Variants in MAP2 observed in about 807,000 individuals in gnomAD.
MAP2 encodes microtubule-associated protein 2.
Under a neutral mutation model 137.6 loss-of-function variants are expected in MAP2, and 14 were observed. The observed-to-expected ratio is 0.10, with a 90% CI of 0.07 to 0.16. The LOEUF (loss-of-function observed/expected upper bound fraction) is 0.16. MAP2 is among the 10% of genes least tolerant of loss of function. The pLI, the probability that MAP2 is intolerant of heterozygous loss-of-function variation, is 1.00. For synonymous variants in MAP2, 786 were observed against 782.3 expected (o/e 1.00, Z -0.08); for missense variants, 2,088 against 2,191.5 (o/e 0.95, Z 0.94).
At chr2:209,546,854 T>C (rs2068177433) in intron 2 of MAP2, among the ~76,000 whole-genome samples, 1 of 152,232 alleles carries the variant, frequency 6.6e-6, no homozygotes, top group Admixed American at 6.5e-5. Context: ...TCCACTGGTA[T>C]TGTCTTTGAG....
At chr2:209,698,774 AC>A (rs1377574124) in intron 10 of MAP2, among the ~76,000 whole-genome samples, 3 of 152,182 alleles carry the variant, frequency 2.0e-5, no homozygotes, top group Non-Finnish European at 4.4e-5. Flanking sequence ...TAAACTTAGA[AC>A]TTCATTAAAC....
intron 1 of MAP2, among the ~76,000 whole-genome samples, chr2:209,468,361 C>T (rs1704720156): frequency 7.8e-6 from 1 of 128,970 alleles, no homozygotes; most frequent in Non-Finnish European, 1.6e-5. Flanking sequence ...TGCTCTGTCA[C>T]CCAGGCTGGA....
At chr2:209,681,456 A>C (rs2054530341) in intron 7 of MAP2, among the ~76,000 whole-genome samples, 2 of 152,202 alleles carry the variant, frequency 1.3e-5, no homozygotes. Flanking sequence ...TCAACATGGA[A>C]TGTCATGTTA....
intron 7 of MAP2, among the ~76,000 whole-genome samples, chr2:209,688,839 T>C (rs1311172265): frequency 6.6e-6 from 1 of 152,200 alleles, no homozygotes; most frequent in African/African-American, 2.4e-5. Flanking sequence ...CAATAAGGAA[T>C]AAGCTTACAG....
rs373206819 is a variant in MAP2, at chr2:209,730,173, C to G, written c.5269-9C>G. On this transcript the variant is annotated splice_polypyrimidine_tract_variant and intron_variant, in intron 15 of 15. Transcript: ENST00000682079. Reference sequence around the variant, plus strand: ...TGAGTTAACGAGGACTGATGCTTGTCTTAAACAGATTGACAGCCAAAAGTT... The same window carrying G: ...TGAGTTAACGAGGACTGATGCTTGTGTTAAACAGATTGACAGCCAAAAGTT... 6 of 1,612,030 alleles carry G rather than the reference C, an allele frequency of 3.7e-6. No homozygotes were observed. The highest frequency in any genetic ancestry group is 4.2e-6 in the Non-Finnish European group (5 of 1,178,444).
chr2:209,529,407 G>A (rs1333039609), intron 2 of MAP2, among the ~76,000 whole-genome samples: 3 of 152,186 alleles, frequency 2.0e-5, no homozygotes, highest in Non-Finnish European at 2.9e-5. Context: ...GTGATTTGAT[G>A]AAGAGATGGT....
intron 1 of MAP2, among the ~76,000 whole-genome samples, chr2:209,470,264 A>C (rs905718471): frequency 5.3e-5 from 8 of 152,162 alleles, no homozygotes; most frequent in Non-Finnish European, 1.2e-4. Flanking sequence ...TGTCATGTAC[A>C]TGCACAGTGC....
chr2:209,458,079 T>G (rs982340255), intron 1 of MAP2, among the ~76,000 whole-genome samples: 9 of 150,820 alleles, frequency 6.0e-5, no homozygotes, highest in Admixed American at 6.6e-5. Context: ...AGTAGGTAAT[T>G]TTTTTTTTTA....
chr2:209,470,110 AT>A (rs1381461999), intron 1 of MAP2, among the ~76,000 whole-genome samples: 2 of 152,124 alleles, frequency 1.3e-5, no homozygotes, highest in East Asian at 3.9e-4. Context: ...AGTCATCCAT[AT>A]TTTTTTAATA....
At chr2:209,655,574 G>C (rs951824391) in intron 5 of MAP2, among the ~76,000 whole-genome samples, 1 of 152,274 alleles carries the variant, frequency 6.6e-6, no homozygotes, top group African/African-American at 2.4e-5. Context: ...ATTGACAGCT[G>C]TTTCACAAAT....
intron 7 of MAP2, among the ~76,000 whole-genome samples, chr2:209,685,216 G>A (rs559479431): frequency 3.3e-5 from 5 of 152,088 alleles, no homozygotes; most frequent in South Asian, 4.2e-4. Context: ...GTGAGACTAT[G>A]GAAGTAAATT....
chr2:209,532,964 A>G (rs768572230), intron 2 of MAP2, among the ~76,000 whole-genome samples: 55 of 152,208 alleles, frequency 3.6e-4, no homozygotes, highest in Non-Finnish European at 4.4e-4. Context: ...CCCCTGACAG[A>G]AGCATTCTCC....
chr2:209,460,588 TTTCCTTCC>T (rs374659903), intron 1 of MAP2, among the ~76,000 whole-genome samples: 3 of 151,516 alleles, frequency 2.0e-5, no homozygotes, highest in South Asian at 4.2e-4. Flanking sequence ...CTTCTCTCCT[TTTCCTTCC>T]TTCCTTCCTT....
At chr2:209,487,028 G>C (rs1186332754) in intron 1 of MAP2, among the ~76,000 whole-genome samples, 1 of 151,924 alleles carries the variant, frequency 6.6e-6, no homozygotes, top group South Asian at 2.1e-4. Context: ...ACCGTTTTTT[G>C]GTCCCTTTTA....
rs1336142927 is a variant in MAP2 at position 209,722,318 on chromosome 2, A to G, written c.5074-3391A>G. ...CTGCAAGGGACAAGCTATCTTGTCA[A>G]TGTTAGGCAGGCACTGTGAATTAAG... On this transcript the variant is annotated intron_variant, in intron 13 of 15. Coordinates refer to ENST00000682079, the MANE Select transcript of MAP2 (RefSeq NM_001375505.1). 2.0e-5 allele frequency among the ~76,000 whole-genome samples: 3 copies of G among 152,352 alleles called. No homozygotes were observed. The East Asian group carries it at 5.8e-4, about 29-fold the overall frequency.
chr2:209,696,903 T>G lies in MAP2; in HGVS notation c.4388-14T>G, dbSNP rs760414465. 1 of 1,584,244 alleles carries G rather than the reference T, an allele frequency of 6.3e-7. No individual in the cohort carries two copies. Among genetic ancestry groups the G allele is most frequent in the South Asian group, 1.2e-5 (1 of 85,340 alleles). On this transcript the variant is annotated splice_polypyrimidine_tract_variant and intron_variant, in intron 9 of 15. Transcript: ENST00000682079. ...TTTCCTGATGGTATGCTTTTTGTGT[T>G]TTCTTATTCATAGCAGTTTATAAGA...
At chr2:209,540,552 A>G (rs1466285834) in intron 2 of MAP2, among the ~76,000 whole-genome samples, 1 of 132,636 alleles carries the variant, frequency 7.5e-6, no homozygotes, top group African/African-American at 3.2e-5. Context: ...AATCACTTGA[A>G]CCCAGGAGGC....
chr2:209,659,429 A>G (rs1346243799), intron 5 of MAP2, among the ~76,000 whole-genome samples: 1 of 152,188 alleles, frequency 6.6e-6, no homozygotes, highest in Non-Finnish European at 1.5e-5. Context: ...ACCAGAATGC[A>G]AGTCTCTTGC....
intron 2 of MAP2, among the ~76,000 whole-genome samples, chr2:209,552,969 G>A (rs750562383): frequency 7.2e-5 from 11 of 151,904 alleles, no homozygotes; most frequent in Non-Finnish European, 5.9e-5. Flanking sequence ...TGACAGCACT[G>A]CACTGTCACA....
Sources: allele counts gnomAD v4.1 joint callset (sites outside exome capture counted in the v4.1 genomes callset), GRCh38; gene constraint gnomAD v4.1.1; transcripts MANE v1.5; gene names NCBI Gene and HGNC (gene_info 2026-07-23, HGNC 2026-07-21).